Variants in CMYA5 observed in about 807,000 individuals in gnomAD.
CMYA5 encodes cardiomyopathy-associated protein 5.
Under a neutral mutation model 318.9 loss-of-function variants are expected in CMYA5, and 246 were observed. The observed-to-expected ratio is 0.77, with a 90% confidence interval of 0.70 to 0.86. CMYA5 has a LOEUF of 0.86. CMYA5 is among the 40% of genes least tolerant of loss of function. The pLI is 0.00. For missense variants in CMYA5, 4,589 were observed against 4,678.2 expected (o/e 0.98, Z 0.56); for synonymous variants, 1,641 against 1,729.5 (o/e 0.95, Z 1.27).
intron 1 of CMYA5, among the ~76,000 whole-genome samples, chr5:79,690,271 C>T (rs150650885): frequency 9.9e-4 from 151 of 152,304 alleles, no homozygotes; most frequent in African/African-American, 3.5e-3. Context: ...TACCCCCGCC[C>T]CCAGCTCCTT....
At chr5:79,776,721 CGACT>C (rs1828945884) in intron 9 of CMYA5, among the ~76,000 whole-genome samples, 1 of 152,102 alleles carries the variant, frequency 6.6e-6, no homozygotes, top group Non-Finnish European at 1.5e-5. Context: ...TATGTGGTGT[CGACT>C]GACTGCCTGA....
chr5:79,717,672 T>C (rs1827544254), intron 1 of CMYA5, among the ~76,000 whole-genome samples: 1 of 152,132 alleles, frequency 6.6e-6, no homozygotes, highest in Non-Finnish European at 1.5e-5. Flanking sequence ...TAGAGGGCCC[T>C]AACTTCCAGG....
rs1323817985 is a variant in CMYA5 at position 79,734,710 on chromosome 5, C to T, written c.5945C>T (p.Ser1982Phe). ...TETLSSKSYS[S>F]EEVKLAEEPK... Reference sequence around the variant, plus strand: ...ACCTTATCAAGTAAAAGTTACTCTTCTGAAGAAGTAAAGCTGGCTGAAGAA... The same window carrying T: ...ACCTTATCAAGTAAAAGTTACTCTTTTGAAGAAGTAAAGCTGGCTGAAGAA... The change falls in exon 2 of 13, where the codon TCT (serine) becomes TTT (phenylalanine). Residue 1982 changes from serine (S) to phenylalanine (F), a missense_variant. Around this residue, in one of 3 missense-constraint regions of CMYA5, gnomAD observed 2,431 missense variants for 2,495.1 expected, o/e 0.97. Transcript: ENST00000446378. 1 of 1,613,840 alleles carries T rather than the reference C, an allele frequency of 6.2e-7. No individual in the cohort carries two copies. Among genetic ancestry groups the T allele is most frequent in the African/African-American group, 1.3e-5 (1 of 75,048 alleles).
chr5:79,707,895 G>A (rs1827305173), intron 1 of CMYA5, among the ~76,000 whole-genome samples: 1 of 152,190 alleles, frequency 6.6e-6, no homozygotes, highest in African/African-American at 2.4e-5. Context: ...CTGAGATCAA[G>A]GCACTGCAGA....
At position 79,738,198 on chromosome 5, in the gene CMYA5, A is replaced by C; in HGVS notation, c.9433A>C (p.Lys3145Gln). The C allele has an allele frequency of 1.2e-6, 2 of 1,613,922 alleles. No individual in the cohort carries two copies. Among genetic ancestry groups the C allele is most frequent in the Non-Finnish European group, 1.7e-6 (2 of 1,179,860 alleles). The change falls in exon 2 of 13, where the codon AAG (lysine) becomes CAG (glutamine). Residue 3145 changes from lysine to glutamine, a missense_variant. Physicochemically the swap from Lys to Gln is moderately conservative, Grantham distance 53. Around this residue, in one of 3 missense-constraint regions of CMYA5, gnomAD observed 2,431 missense variants for 2,495.1 expected, o/e 0.97. Coordinates refer to ENST00000446378, the MANE Select transcript of CMYA5 (RefSeq NM_153610.5). The stretch of plus-strand genomic sequence containing the variant: ...TGACAGGAATGTTTCAAAGGACACA[A>C]AGAGAGATGTGGACTCAAAGTCACC... The part of the protein sequence containing the change: ...SADRNVSKDT[K>Q]RDVDSKSPGM...
intron 6 of CMYA5, among the ~76,000 whole-genome samples, chr5:79,756,043 G>A (rs1828521574): frequency 6.6e-6 from 1 of 152,324 alleles, no homozygotes; most frequent in East Asian, 1.9e-4. Flanking sequence ...CTCAAATACT[G>A]CTTCAAAGAT....
chr5:79,712,877 G>C (rs1297946881), intron 1 of CMYA5, among the ~76,000 whole-genome samples: 7 of 152,134 alleles, frequency 4.6e-5, no homozygotes, highest in African/African-American at 1.7e-4. Context: ...ATCCCAACCT[G>C]ACATATTCTA....
intron 5 of CMYA5, among the ~76,000 whole-genome samples, chr5:79,752,432 G>A: frequency 6.6e-6 from 1 of 152,272 alleles, no homozygotes; most frequent in East Asian, 1.9e-4. Flanking sequence ...TGTATTGCTT[G>A]ATAGAATCTT....
intron 1 of CMYA5, among the ~76,000 whole-genome samples, chr5:79,713,156 G>A (rs1429110992): frequency 6.6e-6 from 1 of 152,142 alleles, no homozygotes; most frequent in African/African-American, 2.4e-5. Context: ...CTTCACCAGT[G>A]GTTCTCAGCT....
In CMYA5 at chr5:79,736,060, A is replaced by C; in HGVS notation, c.7295A>C (p.Glu2432Ala). The C allele has an allele frequency of 6.2e-7, 1 of 1,612,160 alleles. No homozygotes were observed. Among genetic ancestry groups the C allele is most frequent in the Non-Finnish European group, 8.5e-7 (1 of 1,179,424 alleles). ...TTCAGTGAAGACAGACTCAAGAAAG[A>C]AATGCAAAATCCTACTTCCTTGAAA... ...IDFSEDRLKK[E>A]MQNPTSLKIS... Residue 2432 changes from glutamate (E) to alanine (A), a missense_variant, in exon 2 of 13, where the codon GAA (glutamate) becomes GCA (alanine). Glu to Ala is a moderately radical substitution (Grantham distance 107). This residue lies in a region of CMYA5 where 2,431 missense variants were observed against 2,495.1 expected (regional missense o/e 0.97). Coordinates refer to ENST00000446378, the MANE Select transcript of CMYA5 (RefSeq NM_153610.5).
At chr5:79,696,575 A>G (rs1270068748) in intron 1 of CMYA5, among the ~76,000 whole-genome samples, 1 of 152,254 alleles carries the variant, frequency 6.6e-6, no homozygotes, top group Admixed American at 6.5e-5. Flanking sequence ...GTTATATACC[A>G]TAAATATATA....
chr5:79,765,421 A>G (rs958387823), intron 9 of CMYA5, among the ~76,000 whole-genome samples: 2 of 152,146 alleles, frequency 1.3e-5, no homozygotes, highest in Non-Finnish European at 2.9e-5. Flanking sequence ...GTCAGGTAGC[A>G]TGATGCCTCC....
chr5:79,771,268 A>T (rs1281076329), intron 9 of CMYA5, among the ~76,000 whole-genome samples: 1 of 152,170 alleles, frequency 6.6e-6, no homozygotes, highest in East Asian at 1.9e-4. Flanking sequence ...CTAAGTTGTT[A>T]ACCCTTGCTT....
chr5:79,735,264 C>G lies in CMYA5; in HGVS notation c.6499C>G (p.Pro2167Ala). Reference protein sequence around the residue: ...TQPKVAKPDLPEEKGKKGISS... With the variant: ...TQPKVAKPDLAEEKGKKGISS... Reference sequence around the variant, plus strand: ...ACCAAAGGTGGCTAAGCCGGACCTTCCTGAGGAAAAGGGAAAGAAAGGAAT... The same window carrying G: ...ACCAAAGGTGGCTAAGCCGGACCTTGCTGAGGAAAAGGGAAAGAAAGGAAT... The change falls in exon 2 of 13, where the codon CCT (proline) becomes GCT (alanine). Residue 2167 changes from proline to alanine, a missense_variant. Physicochemically the swap from Pro to Ala is conservative, Grantham distance 27. Transcript: ENST00000446378. 1 of 1,613,860 alleles carries G rather than the reference C, an allele frequency of 6.2e-7. No individual in the cohort carries two copies. Among genetic ancestry groups the G allele is most frequent in the East Asian group, 2.2e-5 (1 of 44,882 alleles).
chr5:79,796,642 T>C (rs1291560574), intron 12 of CMYA5, among the ~76,000 whole-genome samples: 1 of 152,228 alleles, frequency 6.6e-6, no homozygotes, highest in African/African-American at 2.4e-5. Context: ...TCAAGGTATC[T>C]GCCTGCCTTG....
At chr5:79,704,918 G>A (rs1353629130) in intron 1 of CMYA5, among the ~76,000 whole-genome samples, 3 of 152,182 alleles carry the variant, frequency 2.0e-5, no homozygotes, top group African/African-American at 7.2e-5. Context: ...GCCTGAAAGA[G>A]TTTGTTCCTT....
At chr5:79,793,103 T>C (rs1166005775) in intron 11 of CMYA5, among the ~76,000 whole-genome samples, 1 of 152,230 alleles carries the variant, frequency 6.6e-6, no homozygotes, top group Non-Finnish European at 1.5e-5. Context: ...TGAAGAGAAG[T>C]CACCTTAAAG....
chr5:79,789,488 G>A (rs1829138942), intron 10 of CMYA5, among the ~76,000 whole-genome samples: 1 of 151,754 alleles, frequency 6.6e-6, no homozygotes, highest in Non-Finnish European at 1.5e-5. Context: ...GAAGTGGCAT[G>A]ATCTTGGCTC....
chr5:79,760,499 G>A (rs886340748), intron 7 of CMYA5, among the ~76,000 whole-genome samples: 4 of 152,220 alleles, frequency 2.6e-5, no homozygotes, highest in Non-Finnish European at 5.9e-5. Flanking sequence ...GCATGGCAGA[G>A]GAGGCCTTAG....
Sources: gnomAD v4.1 joint callset for allele counts (sites outside exome capture counted in the v4.1 genomes callset) on GRCh38, gnomAD v4.1.1 for gene constraint, gnomAD v4.1.1 regional missense constraint, MANE v1.5 for transcripts, NCBI Gene and HGNC (gene_info 2026-07-23, HGNC 2026-07-21) for gene names.